The following MIPEP variants were observed in gnomAD, a reference collection of about 807,000 sequenced individuals.
MIPEP encodes the protein mitochondrial intermediate peptidase.
Under a neutral mutation model 90.3 loss-of-function variants are expected in MIPEP, and 79 were observed. The observed-to-expected ratio is 0.87, with a 90% confidence interval of 0.73 to 1.05. The LOEUF (loss-of-function observed/expected upper bound fraction) is 1.05, where lower values mean the gene tolerates loss of function less well. Ranked by LOEUF, MIPEP falls within the 50% of genes least tolerant of loss-of-function variation. The pLI is 0.00. For missense variants in MIPEP, 940 were observed against 905.6 expected (o/e 1.04, Z -0.49); for synonymous variants, 334 against 315.8 (o/e 1.06, Z -0.61).
At position 23,834,707 on chromosome 13, in the gene MIPEP, C is replaced by A. The variant is rs139420374; in HGVS notation, c.1653+1533G>T. Among the ~76,000 whole-genome samples, 331 of 152,284 alleles carry A rather than the reference C, an allele frequency of 2.2e-3. 2 individuals carry two copies. Among genetic ancestry groups the A allele is most frequent in the African/African-American group, 7.1e-3 (296 of 41,554 alleles). On this transcript the variant is annotated intron_variant, in intron 14 of 18. Coordinates refer to ENST00000382172, the MANE Select transcript of MIPEP (RefSeq NM_005932.4). ...ACCTCCTTCCTCCTGCACTTCTCCT[C>A]CCCAGCCTCCCCAGTTCCCCCAGGG...
chr13:23,841,404 C>A lies in MIPEP; in HGVS notation c.1191G>T (p.Leu397=). 6.2e-7 allele frequency: 1 copy of A among 1,614,148 alleles called. No individual in the cohort carries two copies. Among genetic ancestry groups the A allele is most frequent in the Non-Finnish European group, 8.5e-7 (1 of 1,180,034 alleles). ...GCTCTGCATATAATGAAATCCCCAACAGTCTGTTAAGCAAAATATTCAGGC... is the reference window on the plus strand; with the variant it reads ...GCTCTGCATATAATGAAATCCCCAAAAGTCTGTTAAGCAAAATATTCAGGC... ...MEGLNILLNR[L]LGISLYAEQP... Residue 397 remains leucine, a synonymous_variant, in exon 11 of 19, where the codon CTG becomes CTT. Transcript: ENST00000382172.
chr13:23,880,307 G>C lies in MIPEP; in HGVS notation c.453-953C>G, dbSNP rs1321120041. 2.6e-5 allele frequency among the ~76,000 whole-genome samples: 4 copies of C among 152,174 alleles called. No individual in the cohort carries two copies. In the East Asian group the frequency reaches 5.8e-4, roughly 22 times the overall value. On this transcript the variant is annotated intron_variant, in intron 3 of 18. Transcript: ENST00000382172. ...CCACACACGGATCCCAGAAGTCAGG[G>C]AGAGAGTGAGTGTGGAGGCCTACCT...
chr13:23,737,727 T>C (rs1380360499), intron 18 of MIPEP, among the ~76,000 whole-genome samples: 2 of 152,172 alleles, frequency 1.3e-5, no homozygotes, highest in African/African-American at 4.8e-5. Context: ...GAAAACATGA[T>C]TGAGAGCAAT....
At position 23,809,870 on chromosome 13, in the gene MIPEP, C is replaced by T. The variant is rs202147615; in HGVS notation, c.1708G>A (p.Ala570Thr). 6.9e-5 allele frequency: 111 copies of T among 1,613,214 alleles called. No homozygotes were observed. The highest frequency in any genetic ancestry group is 6.2e-4 in the South Asian group (56 of 90,958). ...RLCESKKVCA[A>T]ADMQLQVFYA... ...CATACCTGAAGTTGCATATCAGCTG[C>T]AGCACAAACCTTTTTAGATTCACAA... The change falls in exon 15 of 19, where the codon GCA becomes ACA. Residue 570 changes from alanine to threonine, a missense_variant. Transcript: ENST00000382172.
At chr13:23,795,159 C>T (rs1952942993) in intron 16 of MIPEP, among the ~76,000 whole-genome samples, 1 of 151,508 alleles carries the variant, frequency 6.6e-6, no homozygotes, top group Non-Finnish European at 1.5e-5. Flanking sequence ...TTTCCATTTG[C>T]AGGAGAGCTG....
At chr13:23,827,097 G>A (rs1300717656) in intron 14 of MIPEP, among the ~76,000 whole-genome samples, 1 of 152,178 alleles carries the variant, frequency 6.6e-6, no homozygotes, top group African/African-American at 2.4e-5. Flanking sequence ...AAAGGGACTT[G>A]AGCATCCAAG....
chr13:23,853,807 C>T lies in MIPEP; in HGVS notation c.1106+5053G>A, dbSNP rs559725153. On this transcript the variant is annotated intron_variant, in intron 10 of 18. Coordinates refer to ENST00000382172, the MANE Select transcript of MIPEP (RefSeq NM_005932.4). ...GGTCTTGAACTCCTGACCTCGTGAT[C>T]CACCCGCCTCAGCCTCCCAAAGTGC... Among the ~76,000 whole-genome samples the T allele has an allele frequency of 7.4e-4, 112 of 151,734 alleles. 1 individual carries two copies. Among genetic ancestry groups the T allele is most frequent in the Non-Finnish European group, 1.3e-3 (89 of 67,868 alleles).
chr13:23,782,913 T>C (rs1450286137), intron 16 of MIPEP, among the ~76,000 whole-genome samples: 1 of 152,154 alleles, frequency 6.6e-6, no homozygotes, highest in African/African-American at 2.4e-5. Context: ...CAGGAAGAAG[T>C]TGAATCCCTG....
intron 14 of MIPEP, among the ~76,000 whole-genome samples, chr13:23,819,649 T>A (rs1356703798): frequency 6.6e-6 from 1 of 151,840 alleles, no homozygotes; most frequent in Non-Finnish European, 1.5e-5. Flanking sequence ...GAACTATAAA[T>A]CTCTATGTGT....
Position 23,841,465 on chromosome 13 carries a change from T to G in MIPEP, c.1130A>C (p.Tyr377Ser). The change falls in exon 11 of 19, where the codon TAT becomes TCT. Residue 377 changes from tyrosine (Y) to serine (S), a missense_variant. Coordinates refer to ENST00000382172, the MANE Select transcript of MIPEP (RefSeq NM_005932.4). Reference protein sequence around the residue: ...AERYNIEPSLYCPFFSLGACM... With the variant: ...AERYNIEPSLSCPFFSLGACM... ...TGCTCCAAGAGAGAAAAACGGGCAATATAGGCTGGGCTCAATATTATACCT... is the reference window on the plus strand; with the variant it reads ...TGCTCCAAGAGAGAAAAACGGGCAAGATAGGCTGGGCTCAATATTATACCT... 6.2e-7 allele frequency: 1 copy of G among 1,613,578 alleles called. No individual in the cohort carries two copies. The highest frequency in any genetic ancestry group is 8.5e-7 in the Non-Finnish European group (1 of 1,179,890).
intron 16 of MIPEP, among the ~76,000 whole-genome samples, chr13:23,803,066 T>TA (rs1454126454): frequency 1.3e-5 from 2 of 152,036 alleles, no homozygotes; most frequent in African/African-American, 4.8e-5. Context: ...AGAGTGGGTA[T>TA]AAAAAACACT....
intron 16 of MIPEP, among the ~76,000 whole-genome samples, chr13:23,799,974 G>A (rs1161944595): frequency 6.6e-6 from 1 of 152,120 alleles, no homozygotes; most frequent in African/African-American, 2.4e-5. Flanking sequence ...TTCTTATTCT[G>A]TTTTCAATTT....
chr13:23,825,013 G>C (rs1953349454), intron 14 of MIPEP, among the ~76,000 whole-genome samples: 2 of 152,132 alleles, frequency 1.3e-5, no homozygotes, highest in Admixed American at 1.3e-4. Context: ...TTTACAGTTT[G>C]CGTCCATTAT....
intron 16 of MIPEP, among the ~76,000 whole-genome samples, chr13:23,763,340 A>G (rs3794332): frequency 0.77 from 117,655 of 152,120 alleles, 45,932 homozygotes; most frequent in Admixed American, 0.83. Flanking sequence ...AGATACGAGC[A>G]CTTGTACTAC....
chr13:23,749,363 T>A (rs4770488), intron 18 of MIPEP, among the ~76,000 whole-genome samples: 149,426 of 151,940 alleles, frequency 0.98, 73,530 homozygotes, highest in East Asian at 1. Flanking sequence ...CAGGTTATTT[T>A]AAAAAAAAGG....
intron 16 of MIPEP, among the ~76,000 whole-genome samples, chr13:23,805,397 A>T (rs992031646): frequency 1.1e-4 from 16 of 152,192 alleles, no homozygotes; most frequent in African/African-American, 3.9e-4. Flanking sequence ...ACAAGGATAT[A>T]ATTTAATTTA....
chr13:23,881,587 C>A, intron 3 of MIPEP, 112 bp downstream of exon 3: 2 of 892,986 alleles, frequency 2.2e-6, no homozygotes, highest in South Asian at 1.5e-5. Flanking sequence ...ACACACCTCC[C>A]ACCCTGCTGG....
At chr13:23,858,055 A>G (rs1457444305) in intron 10 of MIPEP, among the ~76,000 whole-genome samples, 2 of 152,200 alleles carry the variant, frequency 1.3e-5, no homozygotes, top group African/African-American at 2.4e-5. Context: ...CTTAAACAGC[A>G]TATCTCAAAA....
chr13:23,887,205 A>G (rs1207190638), intron 1 of MIPEP, among the ~76,000 whole-genome samples: 2 of 152,228 alleles, frequency 1.3e-5, no homozygotes, highest in East Asian at 1.9e-4. Flanking sequence ...ACATTTCAAT[A>G]TCTTGATAAA....
Sources: allele counts gnomAD v4.1 joint callset (sites outside exome capture counted in the v4.1 genomes callset), GRCh38; gene constraint gnomAD v4.1.1; transcripts MANE v1.5; gene names NCBI Gene and HGNC (gene_info 2026-07-23, HGNC 2026-07-21).